The following TMPRSS9 variants were observed in gnomAD, a reference collection of about 807,000 sequenced individuals.
TMPRSS9 encodes transmembrane protease serine 9.
In TMPRSS9, 113 loss-of-function variants were observed where a neutral mutation model predicts 111.4. That is an observed-to-expected ratio of 1.01 (90% CI 0.87 to 1.19). The LOEUF (loss-of-function observed/expected upper bound fraction) is 1.19, where lower values mean the gene tolerates loss of function less well. TMPRSS9 is among the 50% of genes most tolerant of loss of function. TMPRSS9 has a pLI of 0.00. For missense variants in TMPRSS9, 1,803 were observed against 1,513.1 expected (o/e 1.19, Z -3.18); for synonymous variants, 805 against 659.1 (o/e 1.22, Z -3.39).
intron 10 of TMPRSS9, 98 bp downstream of exon 11, chr19:2,414,116 C>A: frequency 7.7e-7 from 1 of 1,303,870 alleles, no homozygotes; most frequent in Non-Finnish European, 1.0e-6. Context: ...TTGGATCTTC[C>A]TGTTCAAGGA....
At chr19:2,370,560 C>G (rs964659170) in intron 1 of TMPRSS9, among the ~76,000 whole-genome samples, 4 of 152,146 alleles carry the variant, frequency 2.6e-5, no homozygotes, top group African/African-American at 9.7e-5. Context: ...AACCCCTGGC[C>G]TCAAGTGATC....
In TMPRSS9 at chr19:2,420,336, G is replaced by A. The variant is rs368257875; in HGVS notation, c.2155-1518G>A. 1.3e-3 allele frequency among the ~76,000 whole-genome samples: 200 copies of A among 151,784 alleles called. 1 individual carries two copies. Among genetic ancestry groups the A allele is most frequent in the African/African-American group, 4.4e-3 (182 of 41,390 alleles). On this transcript the variant is annotated intron_variant, in intron 13 of 17. Transcript: ENST00000648592. ...GGGTGCTGGTAATTCTAGCTACTCC[G>A]GAGGCTGAGGCAGGAGAATTGCTTG...
intron 7 of TMPRSS9, among the ~76,000 whole-genome samples, chr19:2,406,319 C>CTTT (rs146025284): frequency 6.9e-6 from 1 of 144,804 alleles, no homozygotes; most frequent in Non-Finnish European, 1.5e-5. Flanking sequence ...CGCCCGGCCT[C>CTTT]TTTATTTTAT....
At chr19:2,421,155 G>A (rs1971454478) in intron 13 of TMPRSS9, among the ~76,000 whole-genome samples, 1 of 151,904 alleles carries the variant, frequency 6.6e-6, no homozygotes, top group Non-Finnish European at 1.5e-5. Context: ...GCAGTGAGCC[G>A]AGATCATCCC....
At chr19:2,399,024 G>T in exon 4 of TMPRSS9, 1 of 1,610,922 alleles carries the variant, frequency 6.2e-7, no homozygotes, top group Non-Finnish European at 8.5e-7. Flanking sequence ...GTAGGGATGG[G>T]AACTCCAGTG....
intron 4 of TMPRSS9, among the ~76,000 whole-genome samples, chr19:2,400,225 G>A (rs1439592355): frequency 6.6e-6 from 1 of 152,228 alleles, no homozygotes; most frequent in Non-Finnish European, 1.5e-5. Flanking sequence ...GTAGAATCAA[G>A]GATAAATGCT....
At chr19:2,390,334 C>A (rs1464013368) in intron 1 of TMPRSS9, among the ~76,000 whole-genome samples, 1 of 147,526 alleles carries the variant, frequency 6.8e-6, no homozygotes, top group Non-Finnish European at 1.5e-5. Flanking sequence ...GCTCCACCTC[C>A]CGGGTTCACA....
At chr19:2,374,162 G>T (rs1486285989) in intron 1 of TMPRSS9, among the ~76,000 whole-genome samples, 1 of 145,702 alleles carries the variant, frequency 6.9e-6, no homozygotes, top group Admixed American at 6.9e-5. Context: ...CAGCACCAAA[G>T]ATTCCTTTTT....
chr19:2,395,926 T>G (rs1438320246), intron 1 of TMPRSS9, among the ~76,000 whole-genome samples: 1 of 152,266 alleles, frequency 6.6e-6, no homozygotes, highest in East Asian at 1.9e-4. Flanking sequence ...GAGAATGGCA[T>G]GAACCCGGGA....
At chr19:2,425,489 G>A (rs1302586430) in exon 17 of TMPRSS9, 4 of 1,579,620 alleles carry the variant, frequency 2.5e-6, no homozygotes, top group African/African-American at 2.7e-5. Flanking sequence ...GTGGACAGCT[G>A]CTCGGTGAGC....
At chr19:2,395,878 G>T (rs554613006) in intron 1 of TMPRSS9, among the ~76,000 whole-genome samples, 4 of 151,950 alleles carry the variant, frequency 2.6e-5, no homozygotes, top group African/African-American at 9.6e-5. Context: ...CGTGGTCGTG[G>T]GTGCCTGTAG....
intron 6 of TMPRSS9, 104 bp downstream of exon 7, chr19:2,403,299 G>A: frequency 1.0e-6 from 1 of 966,196 alleles, no homozygotes; most frequent in Non-Finnish European, 1.6e-6. Flanking sequence ...GGGCACACAG[G>A]CCTGGCATTT....
intron 1 of TMPRSS9, among the ~76,000 whole-genome samples, chr19:2,375,154 G>A (rs1404841792): frequency 2.6e-5 from 4 of 152,142 alleles, no homozygotes; most frequent in African/African-American, 9.7e-5. Flanking sequence ...ATGGCCCCAC[G>A]TCTACACGTG....
chr19:2,389,717 T>A (rs1169273337), upstream of TMPRSS9: 2 of 1,535,594 alleles, frequency 1.3e-6, no homozygotes, highest in East Asian at 4.7e-5. Context: ...AGAAGCACCT[T>A]CAGCCTCTGA....
At chr19:2,416,799 G>A (rs1026021016) in exon 12 of TMPRSS9, 1 of 1,608,660 alleles carries the variant, frequency 6.2e-7, no homozygotes, top group African/African-American at 1.3e-5. Flanking sequence ...GAAATACGCA[G>A]GAAGGAAATG....
intron 7 of TMPRSS9, among the ~76,000 whole-genome samples, chr19:2,406,532 G>A (rs1206362558): frequency 1.4e-5 from 2 of 143,502 alleles, no homozygotes; most frequent in Admixed American, 7.1e-5. Flanking sequence ...ATGGGTTTTC[G>A]CCATGTTGGC....
chr19:2,368,285 C>G (rs2145242122), intron 1 of TMPRSS9, among the ~76,000 whole-genome samples: 1 of 151,152 alleles, frequency 6.6e-6, no homozygotes, highest in African/African-American at 2.4e-5. Flanking sequence ...ACCATCCTAC[C>G]ATCTACTCCC....
intron 1 of TMPRSS9, among the ~76,000 whole-genome samples, chr19:2,394,951 T>G (rs541097656): frequency 6.6e-6 from 1 of 152,334 alleles, no homozygotes; most frequent in East Asian, 1.9e-4. Context: ...TTTGCTGTAC[T>G]TTGTACTTTG....
intron 10 of TMPRSS9, among the ~76,000 whole-genome samples, chr19:2,415,431 G>A (rs1226753865): frequency 6.6e-6 from 1 of 152,094 alleles, no homozygotes; most frequent in African/African-American, 2.4e-5. Flanking sequence ...TCCTCGGGCT[G>A]ACTGGGCCGC....
Sources: allele counts gnomAD v4.1 joint callset (sites outside exome capture counted in the v4.1 genomes callset), GRCh38; gene constraint gnomAD v4.1.1; transcripts MANE v1.5; gene names NCBI Gene and HGNC (gene_info 2026-07-23, HGNC 2026-07-21).